TCEA1: variants seen among roughly 807,000 people sequenced by gnomAD.
TCEA1 encodes transcription elongation factor A protein 1.
Under a neutral mutation model 43.8 loss-of-function variants are expected in TCEA1, and 21 were observed. The ratio of observed to expected loss-of-function variants is 0.48; its 90% confidence interval spans 0.34 to 0.69. The LOEUF is 0.69. Ranked by LOEUF, TCEA1 falls within the 30% of genes least tolerant of loss-of-function variation. TCEA1 has a pLI of 0.01. For synonymous variants in TCEA1, 104 were observed against 117.5 expected, an observed-to-expected ratio of 0.88 and a Z score of 0.75; for missense variants, 250 against 365.1, an observed-to-expected ratio of 0.68 and a Z score of 2.57.
At chr8:53,985,406 A>G (rs1244106757) in intron 6 of TCEA1, among the ~76,000 whole-genome samples, 1 of 152,224 alleles carries the variant, frequency 6.6e-6, no homozygotes, top group Non-Finnish European at 1.5e-5. Context: ...AACATGAGAA[A>G]GCACATGTTT....
At chr8:54,018,753 T>C (rs1563523850) in intron 1 of TCEA1, among the ~76,000 whole-genome samples, 1 of 152,218 alleles carries the variant, frequency 6.6e-6, no homozygotes, top group Non-Finnish European at 1.5e-5. Context: ...TGGGTAGAAC[T>C]AGGGTCAGGA....
At position 53,986,817 on chromosome 8, in the gene TCEA1, C is replaced by G. The variant is rs557128608; in HGVS notation, c.523+152G>C. 6.3e-5 allele frequency: 39 copies of G among 618,562 alleles called. 1 individual carries two copies. The South Asian group carries it at 7.8e-4, about 12-fold the overall frequency. 38.3% of individuals were successfully genotyped at this position (618,562 alleles called of 1,614,324 possible). ...GTGATCTAGAACAATGACCAATCCT[C>G]TTCTGCTTCTGTTTTCTCTCTGTAA... On this transcript the variant is annotated intron_variant, in intron 6 of 9. Coordinates refer to ENST00000521604, the MANE Select transcript of TCEA1 (RefSeq NM_006756.4).
intron 6 of TCEA1, among the ~76,000 whole-genome samples, chr8:53,985,108 G>A (rs1481297081): frequency 6.6e-6 from 1 of 151,956 alleles, no homozygotes; most frequent in Non-Finnish European, 1.5e-5. Context: ...CCACCTCCCG[G>A]GTTCAAGCAG....
At chr8:53,993,603 G>T in intron 4 of TCEA1, 65 bp downstream of exon 4, 2 of 1,327,848 alleles carry the variant, frequency 1.5e-6, no homozygotes, top group Non-Finnish European at 1.1e-6. Flanking sequence ...CATTAGACAG[G>T]GGAATTGATG....
At chr8:53,974,342 TTC>T (rs1803259373) in intron 8 of TCEA1, 1 of 152,214 alleles carries the variant, frequency 6.6e-6, no homozygotes, top group Non-Finnish European at 1.5e-5. Context: ...AGTAAAATTT[TTC>T]TTCATAAATA....
intron 2 of TCEA1, among the ~76,000 whole-genome samples, chr8:54,003,473 C>CAT (rs1181462298): frequency 2.0e-5 from 3 of 152,130 alleles, no homozygotes; most frequent in African/African-American, 7.2e-5. Flanking sequence ...ACCAAGATAG[C>CAT]ATAGTACTGG....
chr8:53,979,296 T>A, intron 7 of TCEA1, 125 bp from the exon 8 acceptor site: 1 of 1,076,302 alleles, frequency 9.3e-7, no homozygotes, highest in Non-Finnish European at 1.3e-6. Context: ...TTAAAAGCAT[T>A]AAATTAATAT....
intron 2 of TCEA1, among the ~76,000 whole-genome samples, chr8:54,006,028 G>A (rs560589568): frequency 6.6e-6 from 1 of 152,170 alleles, no homozygotes; most frequent in African/African-American, 2.4e-5. Flanking sequence ...ATCTTTCCCT[G>A]TCTATCTGCT....
In TCEA1 at chr8:53,970,358, T is replaced by A. The variant is rs72655198; in HGVS notation, c.897+34A>T. On this transcript the variant is annotated intron_variant, in intron 9 of 9. Coordinates refer to ENST00000521604, the MANE Select transcript of TCEA1 (RefSeq NM_006756.4). ...CCAGAAGAAATCTTTCTATTTTAAG[T>A]GAGTATATAATATGAATCCAAGAGA... is the stretch of plus-strand genomic sequence containing the variant. The A allele has an allele frequency of 3.2e-3, 4,448 of 1,384,752 alleles. 11 individuals are homozygous for A. Among genetic ancestry groups the A allele is most frequent in the Non-Finnish European group, 4.1e-3 (4,029 of 974,720 alleles). 85.8% of individuals were successfully genotyped at this position (1,384,752 alleles called of 1,614,324 possible).
intron 1 of TCEA1, among the ~76,000 whole-genome samples, chr8:54,013,119 C>A (rs978206055): frequency 6.6e-6 from 1 of 152,122 alleles, no homozygotes; most frequent in Non-Finnish European, 1.5e-5. Flanking sequence ...CCTTAAAAAG[C>A]AGGGTTTCCT....
At chr8:53,969,409 A>C (rs1365446854) in intron 9 of TCEA1, among the ~76,000 whole-genome samples, 1 of 152,202 alleles carries the variant, frequency 6.6e-6, no homozygotes, top group Non-Finnish European at 1.5e-5. Flanking sequence ...AATGGCTTCT[A>C]GTTCATTTCT....
chr8:53,996,458 T>G (rs1446552586), intron 3 of TCEA1, among the ~76,000 whole-genome samples: 1 of 152,220 alleles, frequency 6.6e-6, no homozygotes, highest in Non-Finnish European at 1.5e-5. Flanking sequence ...ATTAAATGCA[T>G]TAATACAGGT....
At position 53,995,373 on chromosome 8, in the gene TCEA1, C is replaced by T. The variant is rs576549781; in HGVS notation, c.233-1618G>A. On this transcript the variant is annotated intron_variant, in intron 3 of 9. Transcript: ENST00000521604. ...ACTCAGGAAGCCCAGGCAGGAGGAA[C>T]GCTTGAGCCCAGGAACTTGAGGCTG... is the stretch of plus-strand genomic sequence containing the variant. 5.3e-5 allele frequency among the ~76,000 whole-genome samples: 8 copies of T among 151,128 alleles called. No individual in the cohort carries two copies. The South Asian group carries it at 1.0e-3, about 20-fold the overall frequency.
At chr8:53,971,849 G>T in intron 8 of TCEA1, 1 of 216,160 alleles carries the variant, frequency 4.6e-6, no homozygotes, top group Non-Finnish European at 8.9e-6. Flanking sequence ...TAATCAAAAG[G>T]ATTCTGAAAA....
At chr8:53,981,933 T>C (rs1363574298) in intron 7 of TCEA1, among the ~76,000 whole-genome samples, 2 of 150,234 alleles carry the variant, frequency 1.3e-5, no homozygotes, top group East Asian at 1.9e-4. Context: ...TTTTCTTTTT[T>C]TTTTTTTTTT....
chr8:54,001,164 C>A (rs1375019475), intron 2 of TCEA1, among the ~76,000 whole-genome samples: 1 of 151,646 alleles, frequency 6.6e-6, no homozygotes, highest in Non-Finnish European at 1.5e-5. Context: ...TATGACAGCC[C>A]AAATATGGAT....
chr8:53,983,223 C>T (rs1033473367), intron 7 of TCEA1, among the ~76,000 whole-genome samples: 2 of 152,166 alleles, frequency 1.3e-5, no homozygotes, highest in Non-Finnish European at 2.9e-5. Flanking sequence ...TGCTATTGTA[C>T]ATTTAGTAGA....
chr8:53,995,376 T>C (rs777208840), intron 3 of TCEA1, among the ~76,000 whole-genome samples: 29 of 151,540 alleles, frequency 1.9e-4, no homozygotes, highest in Non-Finnish European at 3.7e-4. Flanking sequence ...GGAGGAACGC[T>C]TGAGCCCAGG....
At chr8:54,013,913 C>A (rs372888705) in intron 1 of TCEA1, among the ~76,000 whole-genome samples, 1 of 152,044 alleles carries the variant, frequency 6.6e-6, no homozygotes, top group African/African-American at 2.4e-5. Flanking sequence ...GGAAATATGT[C>A]AAGAAACTTG....
Sources: allele counts gnomAD v4.1 joint callset (sites outside exome capture counted in the v4.1 genomes callset), GRCh38; gene constraint gnomAD v4.1.1; transcripts MANE v1.5; gene names NCBI Gene and HGNC (gene_info 2026-07-23, HGNC 2026-07-21).